ANO4: variants seen among roughly 807,000 people sequenced by gnomAD.
ANO4 encodes anoctamin-4.
A neutral mutation model predicts 141.9 loss-of-function variants in ANO4; 69 were observed. That is an observed-to-expected ratio of 0.49 (90% CI 0.40 to 0.59). The LOEUF (loss-of-function observed/expected upper bound fraction) is 0.59. Ranked by LOEUF, ANO4 falls within the 20% of genes least tolerant of loss-of-function variation. ANO4 has a pLI of 0.00. For missense variants in ANO4, 894 were observed against 1,162.2 expected (o/e 0.77, Z 3.36); for synonymous variants, 350 against 394.3 (o/e 0.89, Z 1.33).
At chr12:100,780,302 G>GA (rs1368056687) in intron 3 of ANO4, among the ~76,000 whole-genome samples, 1 of 152,204 alleles carries the variant, frequency 6.6e-6, no homozygotes, top group African/African-American at 2.4e-5. Flanking sequence ...AGCTGACAGT[G>GA]AAAGAAAGCA....
chr12:101,069,232 C>T (rs990756582), intron 14 of ANO4: 6 of 1,233,088 alleles, frequency 4.9e-6, no homozygotes, highest in Non-Finnish European at 6.0e-6. Flanking sequence ...TCAAGAATAA[C>T]TGATATGCCT....
chr12:100,916,375 A>T (rs188357069), intron 2 of ANO4, among the ~76,000 whole-genome samples: 2 of 152,020 alleles, frequency 1.3e-5, no homozygotes, highest in South Asian at 2.1e-4. Context: ...GACTAAAAAA[A>T]AATCAGAGCG....
chr12:100,734,209 A>G (rs2031512252), intron 2 of ANO4, among the ~76,000 whole-genome samples: 1 of 152,240 alleles, frequency 6.6e-6, no homozygotes, highest in South Asian at 2.1e-4. Flanking sequence ...ATCTATTTTT[A>G]AAAGAAATAA....
intron 3 of ANO4, among the ~76,000 whole-genome samples, chr12:100,746,755 T>G (rs927356985): frequency 6.6e-6 from 1 of 152,168 alleles, no homozygotes; most frequent in African/African-American, 2.4e-5. Flanking sequence ...CCCTGGGTGT[T>G]TCTTGTCCTG....
chr12:100,834,304 G>A (rs1215905978), intron 1 of ANO4, among the ~76,000 whole-genome samples: 13 of 152,226 alleles, frequency 8.5e-5, no homozygotes, highest in South Asian at 8.3e-4. Flanking sequence ...TACGAGGCCA[G>A]GCACCTGAAC....
intron 1 of ANO4, among the ~76,000 whole-genome samples, chr12:100,853,464 A>G (rs1226454762): frequency 3.9e-5 from 6 of 152,108 alleles, no homozygotes; most frequent in Admixed American, 3.9e-4. Flanking sequence ...TAGTAATATT[A>G]CCTTTGCCCT....
chr12:100,737,077 C>T (rs1404935725), intron 2 of ANO4, among the ~76,000 whole-genome samples: 2 of 152,118 alleles, frequency 1.3e-5, no homozygotes, highest in Non-Finnish European at 2.9e-5. Flanking sequence ...CAGAAGGTGC[C>T]AGTGTAACAA....
intron 1 of ANO4, chr12:100,733,769 A>T (rs1014541727): frequency 2.4e-5 from 17 of 699,346 alleles, no homozygotes; most frequent in African/African-American, 1.6e-4. Context: ...TTATTTTCTT[A>T]ACAGACAAAG....
At chr12:100,781,305 G>T (rs1434345564) in intron 3 of ANO4, among the ~76,000 whole-genome samples, 1 of 152,174 alleles carries the variant, frequency 6.6e-6, no homozygotes, top group Non-Finnish European at 1.5e-5. Context: ...TTTACTCACT[G>T]CAGTGGGAGC....
At chr12:100,788,255 G>A (rs763618970) in intron 3 of ANO4, among the ~76,000 whole-genome samples, 1 of 152,180 alleles carries the variant, frequency 6.6e-6, no homozygotes, top group Non-Finnish European at 1.5e-5. Context: ...GTCTTCCCAG[G>A]ATAGACTTGG....
chr12:101,045,769 G>A (rs1401409241), intron 13 of ANO4, among the ~76,000 whole-genome samples: 3 of 152,264 alleles, frequency 2.0e-5, no homozygotes, highest in Admixed American at 6.5e-5. Context: ...CAGGGACCCC[G>A]GTGGCCCTGC....
At chr12:100,787,981 G>T (rs78448516) in intron 3 of ANO4, among the ~76,000 whole-genome samples, 1,935 of 152,294 alleles carry the variant, frequency 0.013, 29 homozygotes, top group African/African-American at 0.044. Flanking sequence ...TTTGGTAGAT[G>T]GACATGCTGT....
chr12:100,740,617 C>A (rs548635059), intron 3 of ANO4, among the ~76,000 whole-genome samples: 26 of 152,112 alleles, frequency 1.7e-4, no homozygotes, highest in Non-Finnish European at 2.9e-4. Context: ...CTTTGAATAC[C>A]GTAGTTAATA....
chr12:100,822,709 A>G (rs866088198), intron 1 of ANO4, among the ~76,000 whole-genome samples: 4 of 152,114 alleles, frequency 2.6e-5, no homozygotes, highest in East Asian at 3.9e-4. Flanking sequence ...TTATTACTTG[A>G]TAAGGTGAGG....
chr12:100,883,513 A>G (rs983393067), intron 1 of ANO4, among the ~76,000 whole-genome samples: 1 of 152,246 alleles, frequency 6.6e-6, no homozygotes, highest in Non-Finnish European at 1.5e-5. Flanking sequence ...CCTACTGATA[A>G]AGTATTTAAT....
intron 3 of ANO4, among the ~76,000 whole-genome samples, chr12:100,929,488 TACC>T (rs1459010585): frequency 6.6e-6 from 1 of 152,186 alleles, no homozygotes. Context: ...TGTGTATATG[TACC>T]ACCATTTTCT....
intron 1 of ANO4, among the ~76,000 whole-genome samples, chr12:100,721,340 C>T (rs1419746141): frequency 6.6e-6 from 1 of 152,136 alleles, no homozygotes; most frequent in Non-Finnish European, 1.5e-5. Context: ...AGACAGACTC[C>T]TAAATGGAGA....
At chr12:101,110,605 G>T in intron 23 of ANO4, 49 bp downstream of exon 23, 2 of 1,414,398 alleles carry the variant, frequency 1.4e-6, no homozygotes, top group Admixed American at 2.7e-5. Flanking sequence ...AACATCTGGT[G>T]GATAAAATTT....
chr12:101,042,412 C>A lies in ANO4; in HGVS notation c.1098C>A (p.Phe366Leu). ...CCGGCATGCTCTTCCCAGCTGCCTT[C>A]ATTGGATTGTTTGTCTTTTTGTATG... Reference protein sequence around the residue: ...WYTGMLFPAAFIGLFVFLYGV... With the variant: ...WYTGMLFPAALIGLFVFLYGV... The change falls in exon 12 of 28, where the codon TTC becomes TTA. Residue 366 changes from phenylalanine to leucine, a missense_variant. Phe to Leu is a conservative substitution (Grantham distance 22). Around this residue, in one of 2 missense-constraint regions of ANO4, gnomAD observed 637 missense variants for 909.2 expected, o/e 0.70. Transcript: ENST00000392977. 6.2e-7 allele frequency: 1 copy of A among 1,614,150 alleles called. No individual in the cohort carries two copies. Among genetic ancestry groups the A allele is most frequent in the Non-Finnish European group, 8.5e-7 (1 of 1,180,006 alleles).
Sources: allele counts gnomAD v4.1 joint callset (sites outside exome capture counted in the v4.1 genomes callset), GRCh38; gene constraint gnomAD v4.1.1; regional missense constraint gnomAD v4.1.1; transcripts MANE v1.5; gene names NCBI Gene and HGNC (gene_info 2026-07-23, HGNC 2026-07-21).